The following EYS variants were observed in gnomAD, a reference collection of about 807,000 sequenced individuals.
The protein encoded by EYS is protein eyes shut homolog.
A neutral mutation model predicts 282.1 loss-of-function variants in EYS; 250 were observed. The observed-to-expected ratio is 0.89, with a 90% CI of 0.80 to 0.98. The LOEUF (loss-of-function observed/expected upper bound fraction) is 0.98. Ranked by LOEUF, EYS falls within the 50% of genes least tolerant of loss-of-function variation. The pLI, the probability that EYS is intolerant of heterozygous loss-of-function variation, is 0.00. For synonymous variants in EYS, 1,355 were observed against 1,282.9 expected, an observed-to-expected ratio of 1.06 and a Z score of -1.20; for missense variants, 4,016 against 3,709.0, an observed-to-expected ratio of 1.08 and a Z score of -2.15.
chr6:64,081,941 C>T lies in EYS; in HGVS notation c.6486G>A (p.Lys2162=), dbSNP rs1347115248. The stretch of plus-strand genomic sequence containing the variant: ...TGTTATGTTCCTTCTCCAGGACAAA[C>T]TTCAAAAAGGGCAGTTCTAAATAGG... The part of the protein sequence containing the change: ...GNSYLELPFL[K]FVLEKEHNRT... The change falls in exon 32 of 43, where the codon AAG becomes AAA. Residue 2162 remains lysine (K), a synonymous_variant. Transcript: ENST00000503581. The T allele has an allele frequency of 3.2e-6, 5 of 1,545,572 alleles. No homozygotes were observed. Among genetic ancestry groups the T allele is most frequent in the Admixed American group, 3.9e-5 (2 of 50,836 alleles).
At chr6:65,488,736 G>C (rs994891311) in intron 5 of EYS, among the ~76,000 whole-genome samples, 1 of 152,154 alleles carries the variant, frequency 6.6e-6, no homozygotes, top group South Asian at 2.1e-4. Context: ...TTACTACAAG[G>C]CTACAGTAAC....
chr6:63,906,650 A>G (rs888392853), intron 35 of EYS, among the ~76,000 whole-genome samples: 12 of 152,212 alleles, frequency 7.9e-5, no homozygotes, highest in Non-Finnish European at 2.9e-5. Flanking sequence ...CATTATTTAA[A>G]ATTTCATAAC....
chr6:65,503,498 G>T (rs1184818051), intron 2 of EYS, among the ~76,000 whole-genome samples: 3 of 151,460 alleles, frequency 2.0e-5, no homozygotes, highest in Non-Finnish European at 4.4e-5. Flanking sequence ...TATGCTTTCG[G>T]TGTTGTATCA....
chr6:65,492,362 G>A, intron 4 of EYS, among the ~76,000 whole-genome samples: 1 of 151,326 alleles, frequency 6.6e-6, no homozygotes, highest in East Asian at 1.9e-4. Flanking sequence ...AAGAAAGAAA[G>A]AGAGAAAGGA....
At chr6:65,404,744 A>AC (rs1176287531) in intron 6 of EYS, among the ~76,000 whole-genome samples, 1 of 152,036 alleles carries the variant, frequency 6.6e-6, no homozygotes, top group Non-Finnish European at 1.5e-5. Context: ...TAGTAACAAA[A>AC]AGTTTAGGAG....
At chr6:64,302,285 A>G (rs1283949508) in intron 30 of EYS, among the ~76,000 whole-genome samples, 2 of 152,174 alleles carry the variant, frequency 1.3e-5, no homozygotes, top group African/African-American at 2.4e-5. Context: ...GTATCCTGCA[A>G]TGCCCAGATT....
intron 29 of EYS, among the ~76,000 whole-genome samples, chr6:64,329,204 G>T (rs987813367): frequency 6.6e-6 from 1 of 152,150 alleles, no homozygotes; most frequent in African/African-American, 2.4e-5. Flanking sequence ...TTTGGCTATT[G>T]TCTAAAAATT....
At position 64,044,248 on chromosome 6, in the gene EYS, A is replaced by T. The variant is rs1289306690; in HGVS notation, c.6725+22090T>A. On this transcript the variant is annotated intron_variant, in intron 33 of 42. Transcript: ENST00000503581. ...GTTGCAGGTCCTACATTGAATGGAA[A>T]GTTTGTTTCAAAATAATTCCATTAA... is the stretch of plus-strand genomic sequence containing the variant. Among the ~76,000 whole-genome samples the T allele has an allele frequency of 2.0e-5, 3 of 152,324 alleles. No homozygotes were observed. The East Asian group carries it at 5.8e-4, about 29-fold the overall frequency.
In EYS at chr6:65,011,835, C is replaced by T. The variant is rs150200161; in HGVS notation, c.2138-14132G>A. 3.9e-4 allele frequency among the ~76,000 whole-genome samples: 59 copies of T among 152,280 alleles called. No homozygotes were observed. The East Asian group carries it at 0.011, about 28-fold the overall frequency. ...TAAAGAAATAGCCAATCATCTGTTGCCCGAGAGCACAGCGGGAGGGACAAT... is the reference window on the plus strand; with the variant it reads ...TAAAGAAATAGCCAATCATCTGTTGTCCGAGAGCACAGCGGGAGGGACAAT... On this transcript the variant is annotated intron_variant, in intron 13 of 42. Coordinates refer to ENST00000503581, the MANE Select transcript of EYS (RefSeq NM_001142800.2).
chr6:65,267,995 A>T (rs1415166614), intron 12 of EYS, among the ~76,000 whole-genome samples: 1 of 151,862 alleles, frequency 6.6e-6, no homozygotes. Context: ...AAGCATATAA[A>T]GAAAACATAC....
At chr6:64,584,264 T>C (rs973657229) in intron 26 of EYS, among the ~76,000 whole-genome samples, 1 of 152,020 alleles carries the variant, frequency 6.6e-6, no homozygotes, top group Non-Finnish European at 1.5e-5. Flanking sequence ...ATGTGTGGTG[T>C]GCATGTATAC....
chr6:63,997,662 C>T (rs75179622), intron 34 of EYS, among the ~76,000 whole-genome samples: 3 of 152,050 alleles, frequency 2.0e-5, no homozygotes, highest in Non-Finnish European at 2.9e-5. Context: ...GCATTCTGAT[C>T]GGTATTTCAT....
chr6:64,439,858 T>C (rs1358528800), intron 26 of EYS, among the ~76,000 whole-genome samples: 2 of 151,862 alleles, frequency 1.3e-5, no homozygotes, highest in African/African-American at 4.8e-5. Context: ...GCTGTAGATT[T>C]TCAGAAAAAA....
At chr6:65,395,909 G>C (rs1365212443) in intron 7 of EYS, among the ~76,000 whole-genome samples, 1 of 151,986 alleles carries the variant, frequency 6.6e-6, no homozygotes, top group Non-Finnish European at 1.5e-5. Context: ...CTATGACTTT[G>C]ACTTTTAAAA....
chr6:64,203,339 T>C (rs1347291435), intron 31 of EYS, among the ~76,000 whole-genome samples: 1 of 152,132 alleles, frequency 6.6e-6, no homozygotes, highest in Non-Finnish European at 1.5e-5. Flanking sequence ...GCCCTCTGTT[T>C]GGTGGTGGGC....
intron 22 of EYS, among the ~76,000 whole-genome samples, chr6:64,755,174 C>T (rs1276946499): frequency 6.6e-6 from 1 of 151,938 alleles, no homozygotes; most frequent in East Asian, 1.9e-4. Context: ...AAATAAAGAC[C>T]TAAGTTCCAT....
intron 12 of EYS, among the ~76,000 whole-genome samples, chr6:65,111,600 C>T (rs1257194713): frequency 6.6e-6 from 1 of 152,096 alleles, no homozygotes; most frequent in Admixed American, 6.5e-5. Flanking sequence ...GTAATCCCTC[C>T]CTATTGGGAC....
chr6:63,827,897 A>G (rs1244559104), intron 36 of EYS, among the ~76,000 whole-genome samples: 2 of 151,522 alleles, frequency 1.3e-5, no homozygotes, highest in Admixed American at 6.6e-5. Flanking sequence ...ACTCTCTCAG[A>G]CCACAGTGGA....
intron 11 of EYS, among the ~76,000 whole-genome samples, chr6:65,296,597 G>C (rs1582112019): frequency 1.3e-5 from 2 of 151,784 alleles, no homozygotes; most frequent in East Asian, 3.9e-4. Context: ...TTAAGATGTA[G>C]CTGTAAGGCA....
Sources: gnomAD v4.1 joint callset for allele counts (sites outside exome capture counted in the v4.1 genomes callset) on GRCh38, gnomAD v4.1.1 for gene constraint, MANE v1.5 for transcripts, NCBI Gene and HGNC (gene_info 2026-07-23, HGNC 2026-07-21) for gene names.